The following PRKCA variants were observed in gnomAD, a reference collection of about 807,000 sequenced individuals.
The protein encoded by PRKCA is protein kinase C alpha.
PRKCA carries 27 observed loss-of-function variants against 87.0 expected under a neutral mutation model. The observed-to-expected ratio is 0.31, with a 90% CI of 0.23 to 0.43. The LOEUF is 0.43. Among genes scored for constraint, PRKCA ranks in the 20% least tolerant of loss-of-function variants. The pLI, the probability that PRKCA is intolerant of heterozygous loss-of-function variation, is 1.00. For synonymous variants in PRKCA, 329 were observed against 311.1 expected, an observed-to-expected ratio of 1.06 and a Z score of -0.61; for missense variants, 518 against 852.3, an observed-to-expected ratio of 0.61 and a Z score of 4.88.
At chr17:66,354,098 A>G (rs1907908025) in intron 2 of PRKCA, among the ~76,000 whole-genome samples, 1 of 152,192 alleles carries the variant, frequency 6.6e-6, no homozygotes, top group South Asian at 2.1e-4. Flanking sequence ...GCTCGTGGCT[A>G]GGATCGCAGA....
chr17:66,499,913 A>G (rs1009775399), intron 3 of PRKCA, among the ~76,000 whole-genome samples: 11 of 152,302 alleles, frequency 7.2e-5, no homozygotes, highest in African/African-American at 2.6e-4. Context: ...CCAGTGTCAG[A>G]CATCTCATGC....
intron 1 of PRKCA, among the ~76,000 whole-genome samples, chr17:66,304,716 A>G (rs1904711938): frequency 6.6e-6 from 1 of 152,184 alleles, no homozygotes; most frequent in Non-Finnish European, 1.5e-5. Flanking sequence ...ATCTGCTCCC[A>G]AGTACACTTT....
chr17:66,358,928 TA>T lies in PRKCA; in HGVS notation c.205+52809del, dbSNP rs929513472. Among the ~76,000 whole-genome samples, 4 of 151,818 alleles carry T rather than the reference TA, an allele frequency of 2.6e-5. No individual in the cohort carries two copies. In the East Asian group the frequency reaches 5.8e-4, roughly 22 times the overall value. On this transcript the variant is annotated intron_variant, in intron 2 of 16. Transcript: ENST00000413366. ...CAGGATATTAGGATGAGAGTACCTTTAAAAAAAAGTTCTGCTAAGGAAGTGT... is the reference window on the plus strand; with the variant it reads ...CAGGATATTAGGATGAGAGTACCTTTAAAAAAAGTTCTGCTAAGGAAGTGT...
chr17:66,801,582 C>T (rs909518923), intron 16 of PRKCA, among the ~76,000 whole-genome samples: 1 of 152,168 alleles, frequency 6.6e-6, no homozygotes, highest in South Asian at 2.1e-4. Context: ...TTTCAAAGAG[C>T]CTTTCTCCGT....
intron 2 of PRKCA, among the ~76,000 whole-genome samples, chr17:66,396,033 A>G (rs972069545): frequency 6.8e-6 from 1 of 146,706 alleles, no homozygotes; most frequent in African/African-American, 2.5e-5. Flanking sequence ...TGTTTTTAGC[A>G]TTATTTCAAT....
At chr17:66,485,987 T>G (rs1249287690) in intron 2 of PRKCA, among the ~76,000 whole-genome samples, 1 of 152,188 alleles carries the variant, frequency 6.6e-6, no homozygotes. Flanking sequence ...AAACCTGACA[T>G]GCACACTGGG....
At chr17:66,487,025 T>C (rs1302715441) in intron 2 of PRKCA, among the ~76,000 whole-genome samples, 1 of 152,194 alleles carries the variant, frequency 6.6e-6, no homozygotes, top group Non-Finnish European at 1.5e-5. Context: ...CAAACATTTA[T>C]CTTTTGTGTT....
intron 2 of PRKCA, among the ~76,000 whole-genome samples, chr17:66,410,711 G>A (rs1911739727): frequency 1.3e-5 from 2 of 152,088 alleles, no homozygotes; most frequent in Non-Finnish European, 2.9e-5. Flanking sequence ...GAGTAGCTGG[G>A]ACTACAGGCA....
intron 2 of PRKCA, among the ~76,000 whole-genome samples, chr17:66,443,986 G>A (rs1197494828): frequency 4.6e-5 from 7 of 152,080 alleles, no homozygotes; most frequent in East Asian, 1.9e-4. Context: ...TGTGCCCTCC[G>A]CCTCACGAGC....
intron 2 of PRKCA, among the ~76,000 whole-genome samples, chr17:66,411,968 A>C (rs1219728603): frequency 6.6e-6 from 1 of 151,756 alleles, no homozygotes; most frequent in Non-Finnish European, 1.5e-5. Flanking sequence ...GCCTCTGGAC[A>C]CTGAGAGATC....
intron 5 of PRKCA, among the ~76,000 whole-genome samples, chr17:66,661,239 C>T (rs780965629): frequency 5.7e-4 from 85 of 148,890 alleles, no homozygotes; most frequent in Non-Finnish European, 8.7e-4. Flanking sequence ...AGGGATTCAT[C>T]GACTCAGTGT....
intron 16 of PRKCA, among the ~76,000 whole-genome samples, chr17:66,794,875 C>T (rs566672177): frequency 2.1e-3 from 324 of 152,180 alleles, no homozygotes; most frequent in African/African-American, 7.5e-3. Flanking sequence ...CTGACTGCCT[C>T]GGCCTCCCAA....
At chr17:66,356,579 G>T (rs564985170) in intron 2 of PRKCA, among the ~76,000 whole-genome samples, 1 of 152,070 alleles carries the variant, frequency 6.6e-6, no homozygotes, top group Non-Finnish European at 1.5e-5. Context: ...AGCTGAGATC[G>T]TGCCACTGCA....
intron 2 of PRKCA, among the ~76,000 whole-genome samples, chr17:66,312,261 C>T (rs1395793468): frequency 6.6e-6 from 1 of 152,214 alleles, no homozygotes; most frequent in South Asian, 2.1e-4. Context: ...GGATTACAGG[C>T]GTGGGCCACT....
chr17:66,374,698 T>C (rs996544499), intron 2 of PRKCA, among the ~76,000 whole-genome samples: 6 of 149,460 alleles, frequency 4.0e-5, no homozygotes, highest in Admixed American at 4.0e-4. Flanking sequence ...GTCTGCTAAG[T>C]GCAGGGTGCT....
chr17:66,754,735 A>T (rs954211653), intron 13 of PRKCA, among the ~76,000 whole-genome samples: 1 of 152,104 alleles, frequency 6.6e-6, no homozygotes, highest in South Asian at 2.1e-4. Context: ...AGTCGATTAG[A>T]TGATGTGGGG....
chr17:66,559,903 G>C (rs1968628547), intron 3 of PRKCA, among the ~76,000 whole-genome samples: 1 of 152,232 alleles, frequency 6.6e-6, no homozygotes, highest in Admixed American at 6.5e-5. Context: ...ATGGATTTTG[G>C]AATTTGCTAT....
intron 3 of PRKCA, among the ~76,000 whole-genome samples, chr17:66,616,536 A>G (rs1490934367): frequency 6.6e-6 from 1 of 152,212 alleles, no homozygotes; most frequent in Non-Finnish European, 1.5e-5. Flanking sequence ...CACTGGGGGC[A>G]CACAGAGTGA....
intron 16 of PRKCA, among the ~76,000 whole-genome samples, chr17:66,790,449 C>T (rs1025688932): frequency 6.6e-6 from 1 of 152,160 alleles, no homozygotes; most frequent in African/African-American, 2.4e-5. Context: ...ACATACAAAA[C>T]CCGGTCTGGA....
Sources: allele counts gnomAD v4.1 joint callset (sites outside exome capture counted in the v4.1 genomes callset), GRCh38; gene constraint gnomAD v4.1.1; transcripts MANE v1.5; gene names NCBI Gene and HGNC (gene_info 2026-07-23, HGNC 2026-07-21).